The following CYFIP1 variants were observed in gnomAD, a reference collection of about 807,000 sequenced individuals.
The protein encoded by CYFIP1 is cytoplasmic FMR1-interacting protein 1.
In CYFIP1, 58 loss-of-function variants were observed where a neutral mutation model predicts 163.5. The observed-to-expected ratio is 0.35, with a 90% CI of 0.29 to 0.44. The LOEUF is 0.44. CYFIP1 is among the 20% of genes least tolerant of loss of function. The pLI is 1.00. For synonymous variants in CYFIP1, 663 were observed against 660.7 expected (o/e 1.00, Z -0.05); for missense variants, 1,338 against 1,653.8 (o/e 0.81, Z 3.31).
intron 1 of CYFIP1, among the ~76,000 whole-genome samples, chr15:22,950,642 C>T (rs184494711): frequency 3.3e-5 from 5 of 152,374 alleles, no homozygotes. Flanking sequence ...TTAAACTGTG[C>T]GCTGTTCTGA....
chr15:22,915,967 C>T (rs937200093), intron 16 of CYFIP1, among the ~76,000 whole-genome samples: 3 of 152,164 alleles, frequency 2.0e-5, no homozygotes, highest in Admixed American at 1.3e-4. Context: ...GCCAAGACAG[C>T]AGGGATCCTG....
At position 22,867,133 on chromosome 15, in the gene CYFIP1, T is replaced by C. The variant is rs2059149757; in HGVS notation, c.*2895A>G. ...AAGCCGAATGCACTAATGACAGTTT[T>C]AAGTCTATGAAAATGCTTTATTTTT... On this transcript the variant is annotated 3_prime_UTR_variant, in exon 31 of 31. Transcript: ENST00000617928. 1 of 466,120 alleles carries C rather than the reference T, an allele frequency of 2.1e-6. No homozygotes were observed. Among genetic ancestry groups the C allele is most frequent in the Non-Finnish European group, 3.7e-6 (1 of 267,378 alleles). The allele number at this position is 466,120 out of a possible 1,614,324, so 28.9% of individuals were successfully genotyped here. A position where few individuals can be genotyped will look rare whatever the true frequency, so the allele number is the denominator to read the frequency against.
chr15:22,939,185 C>A lies in CYFIP1; in HGVS notation c.795+7G>T, dbSNP rs746308385. The A allele has an allele frequency of 1.2e-6, 2 of 1,614,058 alleles. No homozygotes were observed. Among genetic ancestry groups the A allele is most frequent in the African/African-American group, 2.7e-5 (2 of 74,934 alleles). On this transcript the variant is annotated splice_region_variant and intron_variant, in intron 8 of 30. Coordinates refer to ENST00000617928, the MANE Select transcript of CYFIP1 (RefSeq NM_014608.6). Reference sequence around the variant, plus strand: ...AGTGCCACGGGCTAGCGTCCCCACACACGTACTTTGAGAAGCATGTGTTTC... The same window carrying A: ...AGTGCCACGGGCTAGCGTCCCCACAAACGTACTTTGAGAAGCATGTGTTTC...
intron 22 of CYFIP1, among the ~76,000 whole-genome samples, chr15:22,896,861 G>A (rs145553998): frequency 2.1e-3 from 322 of 152,108 alleles, no homozygotes; most frequent in Non-Finnish European, 3.6e-3. Context: ...TTCTTGATTG[G>A]GCACTGGGCA....
intron 3 of CYFIP1, 24 bp from the exon 4 acceptor site, chr15:22,944,963 C>T: frequency 6.2e-7 from 1 of 1,606,664 alleles, no homozygotes; most frequent in Non-Finnish European, 8.5e-7. Context: ...CAGGGCAAAT[C>T]AAAGGCAGGC....
chr15:22,915,424 C>A (rs1003364811), intron 16 of CYFIP1, among the ~76,000 whole-genome samples: 6 of 151,976 alleles, frequency 3.9e-5, no homozygotes, highest in Non-Finnish European at 5.9e-5. Flanking sequence ...CTGTGTCTTA[C>A]CTAAAAATGT....
At chr15:22,948,808 T>TAA (rs3083516) in intron 1 of CYFIP1, among the ~76,000 whole-genome samples, 43,217 of 139,478 alleles carry the variant, frequency 0.31, 7,281 homozygotes, top group East Asian at 0.52. Flanking sequence ...TACTGAAATG[T>TAA]AAAAAAAAAA....
chr15:22,896,874 T>TCA (rs939953342), intron 22 of CYFIP1, among the ~76,000 whole-genome samples: 23 of 152,270 alleles, frequency 1.5e-4, no homozygotes, highest in African/African-American at 5.1e-4. Context: ...ACTGGGCATT[T>TCA]CAGTGCCATG....
At chr15:22,957,907 G>A (rs1385107751) in intron 1 of CYFIP1, among the ~76,000 whole-genome samples, 1 of 152,092 alleles carries the variant, frequency 6.6e-6, no homozygotes, top group Non-Finnish European at 1.5e-5. Flanking sequence ...GGTGTAGAAA[G>A]AATGTGCTCT....
At chr15:22,872,755 A>C in intron 30 of CYFIP1, 70 bp downstream of exon 30, 1 of 1,516,140 alleles carries the variant, frequency 6.6e-7, no homozygotes, top group Non-Finnish European at 9.1e-7. Context: ...CAGAAACAAG[A>C]ACTTATAACA....
intron 23 of CYFIP1, among the ~76,000 whole-genome samples, chr15:22,888,416 T>C (rs2059982362): frequency 1.3e-5 from 2 of 152,184 alleles, no homozygotes; most frequent in African/African-American, 4.8e-5. Flanking sequence ...CACTTGTATA[T>C]GTCTAAATAA....
chr15:22,884,711 C>A (rs916497341), intron 23 of CYFIP1, among the ~76,000 whole-genome samples: 1 of 152,162 alleles, frequency 6.6e-6, no homozygotes, highest in Non-Finnish European at 1.5e-5. Context: ...GGGGCTCCAA[C>A]CCCCCATTTC....
At chr15:22,894,359 G>T (rs949239943) in intron 22 of CYFIP1, among the ~76,000 whole-genome samples, 3 of 137,554 alleles carry the variant, frequency 2.2e-5, no homozygotes, top group Non-Finnish European at 4.6e-5. Context: ...GTGTGATCTT[G>T]GCTCACCACA....
intron 6 of CYFIP1, among the ~76,000 whole-genome samples, chr15:22,941,216 C>T (rs1191539931): frequency 1.3e-5 from 2 of 150,334 alleles, no homozygotes; most frequent in Middle Eastern, 3.4e-3. Context: ...CCACCACACC[C>T]AGCTAGTTTT....
chr15:22,893,779 T>A (rs1047117480), intron 22 of CYFIP1, among the ~76,000 whole-genome samples: 2 of 152,166 alleles, frequency 1.3e-5, no homozygotes, highest in African/African-American at 4.8e-5. Flanking sequence ...CCCTGTGCTG[T>A]CAGTATGCCA....
chr15:22,964,274 C>CA (rs1555424191), intron 1 of CYFIP1, among the ~76,000 whole-genome samples: 13 of 97,152 alleles, frequency 1.3e-4, no homozygotes, highest in Admixed American at 8.3e-4. Flanking sequence ...CTCCTCCTCA[C>CA]CACACACACA....
chr15:22,868,530 C>G lies in CYFIP1; in HGVS notation c.*1498G>C, dbSNP rs1254913313. ...TCTAAGATAAGCACAGCTACCACCT[C>G]TAAATCTGCAGCAGAATGCTGGCCC... On this transcript the variant is annotated 3_prime_UTR_variant, in exon 31 of 31. Coordinates refer to ENST00000617928, the MANE Select transcript of CYFIP1 (RefSeq NM_014608.6). 2 of 152,188 alleles carry G rather than the reference C, an allele frequency of 1.3e-5. No homozygotes were observed. Among genetic ancestry groups the G allele is most frequent in the African/African-American group, 2.4e-5 (1 of 41,454 alleles). 9.4% of individuals were successfully genotyped at this position (152,188 alleles called of 1,614,324 possible).
At chr15:22,966,149 G>A (rs527980096) in intron 1 of CYFIP1, among the ~76,000 whole-genome samples, 1 of 151,596 alleles carries the variant, frequency 6.6e-6, no homozygotes, top group East Asian at 1.9e-4. Flanking sequence ...AGGAGTTCGA[G>A]ACCAGCCTGA....
At position 22,916,628 on chromosome 15, in the gene CYFIP1, A is replaced by G. The variant is rs1367012390; in HGVS notation, c.1677T>C (p.Leu559=). Residue 559 remains leucine (L), a splice_region_variant and synonymous_variant, in exon 16 of 31, where the codon CTT becomes CTC. Coordinates refer to ENST00000617928, the MANE Select transcript of CYFIP1 (RefSeq NM_014608.6). ...RRAVGPSSTQ[L]YMVRTMLESL... Reference sequence around the variant, plus strand: ...ACTCTAGCATGGTTCTCACCATGTAAAGCTGGATTATCCAAGGAAACATTT... The same window carrying G: ...ACTCTAGCATGGTTCTCACCATGTAGAGCTGGATTATCCAAGGAAACATTT... 1 of 1,614,008 alleles carries G rather than the reference A, an allele frequency of 6.2e-7. No individual in the cohort carries two copies. The highest frequency in any genetic ancestry group is 1.3e-5 in the African/African-American group (1 of 74,916).
Sources: allele counts gnomAD v4.1 joint callset (sites outside exome capture counted in the v4.1 genomes callset), GRCh38; gene constraint gnomAD v4.1.1; transcripts MANE v1.5; gene names NCBI Gene and HGNC (gene_info 2026-07-23, HGNC 2026-07-21).